Variants in VSTM2A observed in about 807,000 individuals in gnomAD.
VSTM2A encodes V-set and transmembrane domain-containing protein 2A.
Under a neutral mutation model 27.3 loss-of-function variants are expected in VSTM2A, and 13 were observed. That is an observed-to-expected ratio of 0.48 (90% confidence interval 0.31 to 0.76). The LOEUF (loss-of-function observed/expected upper bound fraction) is 0.76, where lower values mean the gene tolerates loss of function less well. VSTM2A is among the 30% of genes least tolerant of loss of function. The pLI is 0.05. For missense variants in VSTM2A, 280 were observed against 310.0 expected (o/e 0.90, Z 0.73); for synonymous variants, 142 against 125.7 (o/e 1.13, Z -0.87).
rs1265621556 is a variant in VSTM2A at position 54,570,384 on chromosome 7, A to G, written c.*1165A>G. The stretch of plus-strand genomic sequence containing the variant: ...AATTCATGTTAGAACATTTCTTGCT[A>G]TGGTTAAAAATGCTGCTTCCTTTGA... On this transcript the variant is annotated 3_prime_UTR_variant, in exon 5 of 5. Coordinates refer to ENST00000402613, the MANE Select transcript of VSTM2A (RefSeq NM_001301009.2). 2.0e-5 allele frequency: 3 copies of G among 152,162 alleles called. No homozygotes were observed. Among genetic ancestry groups the G allele is most frequent in the African/African-American group, 4.8e-5 (2 of 41,452 alleles). 9.4% of individuals were successfully genotyped at this position (152,162 alleles called of 1,614,324 possible).
At chr7:54,553,987 G>C (rs1407503838) in intron 4 of VSTM2A, 4 of 1,552,952 alleles carry the variant, frequency 2.6e-6, no homozygotes, top group Middle Eastern at 1.7e-4. Context: ...ACGTCACACA[G>C]AACTGTGAAG....
At chr7:54,552,828 A>G (rs1016811895) in intron 4 of VSTM2A, among the ~76,000 whole-genome samples, 2 of 152,312 alleles carry the variant, frequency 1.3e-5, no homozygotes, top group East Asian at 3.9e-4. Context: ...GGCATCCTTC[A>G]TCTATGGTAT....
intron 4 of VSTM2A, chr7:54,557,383 G>T (rs1396692211): frequency 1.3e-5 from 2 of 150,648 alleles, no homozygotes; most frequent in Non-Finnish European, 2.9e-5. Context: ...ACCCAGGCTA[G>T]AGTGCAGTGG....
intron 4 of VSTM2A, among the ~76,000 whole-genome samples, chr7:54,564,494 T>A (rs1788660785): frequency 6.6e-6 from 1 of 152,078 alleles, no homozygotes; most frequent in Non-Finnish European, 1.5e-5. Context: ...CATCAGAAAA[T>A]ATTCAAAGCC....
intron 4 of VSTM2A, chr7:54,553,929 T>G: frequency 6.4e-7 from 1 of 1,551,466 alleles, no homozygotes; most frequent in East Asian, 2.4e-5. Flanking sequence ...CCTTCCTTTC[T>G]TCTCTCTGTC....
rs1788872591 is a variant in VSTM2A, at chr7:54,570,846, C to G, written c.*1627C>G. On this transcript the variant is annotated 3_prime_UTR_variant, in exon 5 of 5. Coordinates refer to ENST00000402613, the MANE Select transcript of VSTM2A (RefSeq NM_001301009.2). ...GGCCATCAGCTCCCAGCCTAAGGTC[C>G]TATAACCCGAAGCTTGAAGGCAATC... 2 of 152,124 alleles carry G rather than the reference C, an allele frequency of 1.3e-5. No homozygotes were observed. The highest frequency in any genetic ancestry group is 1.3e-4 in the Admixed American group (2 of 15,272). 9.4% of individuals were successfully genotyped at this position (152,124 alleles called of 1,614,324 possible). A position where few individuals can be genotyped will look rare whatever the true frequency, so the allele number is the denominator to read the frequency against.
Position 54,569,140 on chromosome 7 carries a change from A to G in VSTM2A, c.644A>G (p.Lys215Arg), listed in dbSNP as rs1254779948. 6.4e-7 allele frequency: 1 copy of G among 1,560,160 alleles called. No homozygotes were observed. Among genetic ancestry groups the G allele is most frequent in the Admixed American group, 1.9e-5 (1 of 51,802 alleles). Residue 215 changes from lysine to arginine, a missense_variant, in exon 5 of 5, where the codon AAA becomes AGA. Transcript: ENST00000402613. ...PKQSPQSAKS[K>R]SPVKSTERTA... ...CTTTCTCTTCTTAAAGCAAAGAGCA[A>G]ATCGCCTGTAAAATCTACGGAGCGG...
chr7:54,565,910 T>C (rs539370808), intron 4 of VSTM2A, among the ~76,000 whole-genome samples: 46 of 152,298 alleles, frequency 3.0e-4, no homozygotes, highest in African/African-American at 1.1e-3. Context: ...GCCTGATGCA[T>C]CTCTGGGGAG....
intron 1 of VSTM2A, among the ~76,000 whole-genome samples, chr7:54,543,445 CCTT>C (rs759549183): frequency 2.0e-5 from 3 of 152,176 alleles, no homozygotes; most frequent in Non-Finnish European, 2.9e-5. Context: ...ATGCCATACT[CCTT>C]CTGCCAGCTA....
intron 1 of VSTM2A, among the ~76,000 whole-genome samples, 189 bp from the exon 2 acceptor site, chr7:54,544,417 ACAACATAGTGATTTAG>A (rs1787875524): frequency 6.6e-6 from 1 of 152,224 alleles, no homozygotes; most frequent in African/African-American, 2.4e-5. Flanking sequence ...GATTTGATCA[ACAACATAGTGATTTAG>A]GTATGATACC....
At chr7:54,551,621 A>G (rs1006376736) in intron 4 of VSTM2A, 1 of 152,216 alleles carries the variant, frequency 6.6e-6, no homozygotes, top group African/African-American at 2.4e-5. Context: ...ACACACAGGT[A>G]TATGCTAAAT....
rs200388368 is a variant in VSTM2A at position 54,548,150 on chromosome 7, A to G, written c.297+1153A>G. The stretch of plus-strand genomic sequence containing the variant: ...TAACTAGATAGATTGCTTGGTGACT[A>G]TTCTTCCTTCACCCTTCACCCGTCC... On this transcript the variant is annotated intron_variant, in intron 3 of 4. Transcript: ENST00000402613. Among the ~76,000 whole-genome samples the G allele has an allele frequency of 5.3e-5, 8 of 152,270 alleles. No homozygotes were observed. In the East Asian group the frequency reaches 1.5e-3, roughly 29 times the overall value.
At chr7:54,563,494 C>CTGT (rs1217906527) in intron 4 of VSTM2A, among the ~76,000 whole-genome samples, 1 of 152,142 alleles carries the variant, frequency 6.6e-6, no homozygotes, top group Non-Finnish European at 1.5e-5. Context: ...TGAAAATGTG[C>CTGT]TGTTTTCAGA....
At position 54,569,221 on chromosome 7, in the gene VSTM2A, TCACTA is replaced by T. The variant is rs1460946571; in HGVS notation, c.*6_*10del. The T allele has an allele frequency of 1.9e-6, 3 of 1,551,486 alleles. No homozygotes were observed. The highest frequency in any genetic ancestry group is 2.6e-6 in the Non-Finnish European group (3 of 1,146,942). On this transcript the variant is annotated 3_prime_UTR_variant, in exon 5 of 5. Coordinates refer to ENST00000402613, the MANE Select transcript of VSTM2A (RefSeq NM_001301009.2). ...CACCCTGCACCCACTGTACTCTAAT[TCACTA>T]CACAAGGAGCGCCTGCTTCCGGAAG...
chr7:54,546,889 G>T (rs485006), intron 2 of VSTM2A, 58 bp from the exon 3 acceptor site: 316,560 of 1,586,458 alleles, frequency 0.2, 32,552 homozygotes, highest in East Asian at 0.25. Flanking sequence ...ATGCTCGCGT[G>T]GGAGCGGGTG....
intron 1 of VSTM2A, among the ~76,000 whole-genome samples, chr7:54,543,996 C>T (rs1162917159): frequency 6.6e-6 from 1 of 152,126 alleles, no homozygotes; most frequent in Non-Finnish European, 1.5e-5. Context: ...ATCATTACAT[C>T]TTAAGATGTA....
intron 4 of VSTM2A, among the ~76,000 whole-genome samples, chr7:54,563,769 G>A (rs1255325999): frequency 6.6e-6 from 1 of 152,090 alleles, no homozygotes; most frequent in Non-Finnish European, 1.5e-5. Flanking sequence ...AGCAAGAAAG[G>A]GAATTTAAAC....
rs781595003 is a variant in VSTM2A, at chr7:54,546,927, C to G, written c.247-20C>G. The G allele has an allele frequency of 1.8e-5, 28 of 1,598,702 alleles. No individual in the cohort carries two copies. The South Asian group carries it at 3.1e-4, about 18-fold the overall frequency. On this transcript the variant is annotated intron_variant, in intron 2 of 4. Coordinates refer to ENST00000402613, the MANE Select transcript of VSTM2A (RefSeq NM_001301009.2). ...CGGGCGGGCCTGGCGCGGGACTGAG[C>G]GTTCGCTCCTTGCCCGCAGGTGGAG...
chr7:54,565,913 C>T (rs557583988), intron 4 of VSTM2A, among the ~76,000 whole-genome samples: 1 of 152,280 alleles, frequency 6.6e-6, no homozygotes, highest in Non-Finnish European at 1.5e-5. Flanking sequence ...TGATGCATCT[C>T]TGGGGAGGCA....
Sources: allele counts gnomAD v4.1 joint callset (sites outside exome capture counted in the v4.1 genomes callset), GRCh38; gene constraint gnomAD v4.1.1; transcripts MANE v1.5; gene names NCBI Gene and HGNC (gene_info 2026-07-23, HGNC 2026-07-21).